RAP1GDS1: variants seen among roughly 807,000 people sequenced by gnomAD.
RAP1GDS1 encodes the protein RAP1, GTP-GDP dissociation stimulator 1.
Under a neutral mutation model 71.1 loss-of-function variants are expected in RAP1GDS1, and 35 were observed. That is an observed-to-expected ratio of 0.49 (90% CI 0.38 to 0.65). The LOEUF (loss-of-function observed/expected upper bound fraction) is 0.65, where lower values mean the gene tolerates loss of function less well. Among genes scored for constraint, RAP1GDS1 ranks in the 30% least tolerant of loss-of-function variants. The pLI, the probability that RAP1GDS1 is intolerant of heterozygous loss-of-function variation, is 0.00. For synonymous variants in RAP1GDS1, 229 were observed against 243.1 expected (o/e 0.94, Z 0.54); for missense variants, 663 against 706.1 (o/e 0.94, Z 0.69).
At chr4:98,332,627 A>G (rs1470966863) in intron 2 of RAP1GDS1, among the ~76,000 whole-genome samples, 1 of 152,188 alleles carries the variant, frequency 6.6e-6, no homozygotes, top group African/African-American at 2.4e-5. Flanking sequence ...GAGAAGCTTT[A>G]AGAGGAAAAC....
chr4:98,266,127 A>G (rs1722691246), intron 1 of RAP1GDS1, among the ~76,000 whole-genome samples: 1 of 152,146 alleles, frequency 6.6e-6, no homozygotes, highest in Admixed American at 6.5e-5. Context: ...AAATTAAAAA[A>G]ATTATTTTAA....
intron 5 of RAP1GDS1, among the ~76,000 whole-genome samples, chr4:98,383,018 C>T (rs997677616): frequency 1.3e-5 from 2 of 151,638 alleles, no homozygotes; most frequent in East Asian, 1.9e-4. Flanking sequence ...ATTAATTGCA[C>T]GTTTGAATAG....
At chr4:98,373,112 C>G (rs1578633010) in intron 4 of RAP1GDS1, among the ~76,000 whole-genome samples, 1 of 152,198 alleles carries the variant, frequency 6.6e-6, no homozygotes, top group Middle Eastern at 3.2e-3. Flanking sequence ...TAGTATACCT[C>G]TAACTGAAAA....
intron 3 of RAP1GDS1, chr4:98,343,462 T>G: frequency 3.4e-6 from 2 of 583,942 alleles, no homozygotes; most frequent in Non-Finnish European, 5.8e-6. Flanking sequence ...TGATAACCCA[T>G]TCCTTCTCAG....
chr4:98,296,295 A>G (rs1237821627), intron 2 of RAP1GDS1, among the ~76,000 whole-genome samples: 2 of 152,124 alleles, frequency 1.3e-5, no homozygotes, highest in African/African-American at 4.8e-5. Flanking sequence ...TGAAATTTTT[A>G]CACTGTGTGA....
chr4:98,367,190 A>G (rs1028920848), intron 4 of RAP1GDS1, among the ~76,000 whole-genome samples: 5 of 152,188 alleles, frequency 3.3e-5, no homozygotes, highest in Non-Finnish European at 7.3e-5. Context: ...TATGGTGAGC[A>G]GGGGCCAAGG....
At chr4:98,436,584 A>G (rs986398979) in intron 13 of RAP1GDS1, among the ~76,000 whole-genome samples, 3 of 152,208 alleles carry the variant, frequency 2.0e-5, no homozygotes, top group Non-Finnish European at 4.4e-5. Context: ...CAGCAGGTGA[A>G]TGAGAGAGAT....
intron 4 of RAP1GDS1, among the ~76,000 whole-genome samples, chr4:98,361,496 A>G (rs1259697419): frequency 6.6e-6 from 1 of 152,176 alleles, no homozygotes; most frequent in Non-Finnish European, 1.5e-5. Flanking sequence ...GAGTAAAGAA[A>G]GCTTTAGTAA....
intron 7 of RAP1GDS1, among the ~76,000 whole-genome samples, chr4:98,416,253 A>G (rs1400790660): frequency 6.7e-6 from 1 of 149,694 alleles, no homozygotes; most frequent in African/African-American, 2.5e-5. Context: ...GCTTTTTTGT[A>G]TATTTAAATG....
chr4:98,396,321 A>G (rs945483822), intron 6 of RAP1GDS1: 17 of 152,336 alleles, frequency 1.1e-4, no homozygotes, highest in African/African-American at 4.1e-4. Flanking sequence ...CAGTATACTG[A>G]GGGAGCCCTG....
At chr4:98,420,280 T>G in intron 11 of RAP1GDS1, 136 bp downstream of exon 11, 1 of 702,222 alleles carries the variant, frequency 1.4e-6, no homozygotes, top group Non-Finnish European at 2.0e-6. Flanking sequence ...TAAAAGTTGG[T>G]TTTGGAACTC....
At chr4:98,390,227 T>G (rs997584406) in intron 5 of RAP1GDS1, among the ~76,000 whole-genome samples, 3 of 152,160 alleles carry the variant, frequency 2.0e-5, no homozygotes, top group Non-Finnish European at 4.4e-5. Flanking sequence ...AATGCAACTA[T>G]TCTGCCAATA....
intron 2 of RAP1GDS1, among the ~76,000 whole-genome samples, chr4:98,313,466 C>T (rs1730548290): frequency 6.6e-6 from 1 of 152,132 alleles, no homozygotes; most frequent in Non-Finnish European, 1.5e-5. Context: ...TTCTAGGTAT[C>T]AAGATGGATT....
intron 12 of RAP1GDS1, among the ~76,000 whole-genome samples, chr4:98,429,544 AGT>A (rs1750111101): frequency 1.3e-5 from 2 of 152,170 alleles, no homozygotes; most frequent in Admixed American, 1.3e-4. Context: ...AATATGGTGC[AGT>A]GTATACTGCT....
chr4:98,368,710 G>C (rs1739901633), intron 4 of RAP1GDS1, among the ~76,000 whole-genome samples: 1 of 151,884 alleles, frequency 6.6e-6, no homozygotes. Flanking sequence ...AAATTAATTA[G>C]AAAAGTTATA....
chr4:98,270,503 G>A (rs977657685), intron 1 of RAP1GDS1, among the ~76,000 whole-genome samples: 2 of 152,086 alleles, frequency 1.3e-5, no homozygotes, highest in African/African-American at 4.8e-5. Context: ...TTCTCAAGCT[G>A]GCTAAGATAT....
At chr4:98,408,036 G>T (rs567015890) in intron 7 of RAP1GDS1, among the ~76,000 whole-genome samples, 5 of 151,694 alleles carry the variant, frequency 3.3e-5, no homozygotes, top group East Asian at 1.9e-4. Flanking sequence ...AGACCTTACC[G>T]CAGGTCTTAC....
At chr4:98,310,309 C>T (rs1359067888) in intron 2 of RAP1GDS1, among the ~76,000 whole-genome samples, 1 of 151,934 alleles carries the variant, frequency 6.6e-6, no homozygotes, top group Non-Finnish European at 1.5e-5. Context: ...TATAATTTAT[C>T]ATAATAAGTG....
intron 7 of RAP1GDS1, among the ~76,000 whole-genome samples, chr4:98,410,808 T>C (rs1746951982): frequency 6.6e-6 from 1 of 152,046 alleles, no homozygotes; most frequent in Admixed American, 6.5e-5. Flanking sequence ...TAAACTGTAG[T>C]TTTTAGGAAT....
Sources: gnomAD v4.1 joint callset for allele counts (sites outside exome capture counted in the v4.1 genomes callset) on GRCh38, gnomAD v4.1.1 for gene constraint, MANE v1.5 for transcripts, NCBI Gene and HGNC (gene_info 2026-07-23, HGNC 2026-07-21) for gene names.